CASC3: variants seen among roughly 807,000 people sequenced by gnomAD.
CASC3 encodes the protein protein CASC3.
CASC3 carries 30 observed loss-of-function variants against 80.5 expected under a neutral mutation model. That is an observed-to-expected ratio of 0.37 (90% CI 0.28 to 0.51). The LOEUF (loss-of-function observed/expected upper bound fraction) is 0.51. CASC3 is among the 20% of genes least tolerant of loss of function. The pLI, the probability that CASC3 is intolerant of heterozygous loss-of-function variation, is 0.94. For synonymous variants in CASC3, 312 were observed against 333.6 expected (o/e 0.94, Z 0.70); for missense variants, 824 against 922.2 (o/e 0.89, Z 1.38).
Position 40,162,806 on chromosome 17 carries a change from A to G in CASC3, c.690A>G (p.Pro230=). The change falls in exon 6 of 14, where the codon CCA becomes CCG. Residue 230 remains proline (P), a synonymous_variant. Transcript: ENST00000264645. ...AGTTCCGGGAAGATGAGCAGGCCCCAAAGTCCCGACAGGAGCTCATTGCTC... is the reference window on the plus strand; with the variant it reads ...AGTTCCGGGAAGATGAGCAGGCCCCGAAGTCCCGACAGGAGCTCATTGCTC... The part of the protein sequence containing the change: ...HDKFREDEQA[P]KSRQELIALY... The G allele has an allele frequency of 1.9e-6, 3 of 1,614,192 alleles. No homozygotes were observed. The highest frequency in any genetic ancestry group is 1.7e-5 in the Admixed American group (1 of 60,022).
intron 3 of CASC3, among the ~76,000 whole-genome samples, chr17:40,156,091 C>T (rs1989139404): frequency 6.6e-6 from 1 of 152,132 alleles, no homozygotes; most frequent in African/African-American, 2.4e-5. Flanking sequence ...TAAATCAGTA[C>T]GTGTGTGTAG....
Position 40,140,588 on chromosome 17 carries a change from G to A in CASC3, c.40G>A (p.Glu14Lys). The A allele has an allele frequency of 6.2e-7, 1 of 1,610,574 alleles. No individual in the cohort carries two copies. Among genetic ancestry groups the A allele is most frequent in the Non-Finnish European group, 8.5e-7 (1 of 1,179,654 alleles). ...GCGGCAGCGCGCTTCGCAAGACACCGAGGACGAGGAATCTGGTGCTTCGGG... is the reference window on the plus strand; with the variant it reads ...GCGGCAGCGCGCTTCGCAAGACACCAAGGACGAGGAATCTGGTGCTTCGGG... ...RRRQRASQDT[E>K]DEESGASGSD... The change falls in exon 1 of 14, where the codon GAG (glutamate) becomes AAG (lysine). Residue 14 changes from glutamate (E) to lysine (K), a missense_variant. Around this residue, in one of 3 missense-constraint regions of CASC3, gnomAD observed 159 missense variants for 122.2 expected, o/e 1.30. Coordinates refer to ENST00000264645, the MANE Select transcript of CASC3 (RefSeq NM_007359.5).
intron 7 of CASC3, among the ~76,000 whole-genome samples, chr17:40,164,750 CTTTTTTTTTTT>C (rs1022035416): frequency 1.3e-5 from 1 of 74,454 alleles, no homozygotes; most frequent in Non-Finnish European, 2.3e-5. Flanking sequence ...CGTGCCTGGC[CTTTTTTTTTTT>C]TTTTTTTTTT....
chr17:40,154,322 A>C (rs924271667), intron 3 of CASC3, among the ~76,000 whole-genome samples: 5 of 152,016 alleles, frequency 3.3e-5, no homozygotes, highest in African/African-American at 1.2e-4. Context: ...AGTAGTTGAG[A>C]CTATAGGCAT....
Position 40,161,804 on chromosome 17 carries a change from T to C in CASC3, c.349T>C (p.Ser117Pro). The stretch of plus-strand genomic sequence containing the variant: ...GGAAAACTCCAAAGTGGAGCTGAAA[T>C]CAGAAGCTAATGATGCTGTTAATTC... ...EEENSKVELKSEANDAVNSST... is the reference protein window; with the variant it reads ...EEENSKVELKPEANDAVNSST... The change falls in exon 4 of 14, where the codon TCA (serine) becomes CCA (proline). Residue 117 changes from serine (S) to proline (P), a missense_variant. Ser to Pro is a moderately conservative substitution (Grantham distance 74). Coordinates refer to ENST00000264645, the MANE Select transcript of CASC3 (RefSeq NM_007359.5). 6.2e-7 allele frequency: 1 copy of C among 1,614,054 alleles called. No individual in the cohort carries two copies. The highest frequency in any genetic ancestry group is 8.5e-7 in the Non-Finnish European group (1 of 1,180,016).
intron 3 of CASC3, among the ~76,000 whole-genome samples, chr17:40,150,280 G>A (rs749635765): frequency 5.3e-5 from 8 of 152,126 alleles, no homozygotes; most frequent in Middle Eastern, 3.2e-3. Context: ...CTTGGAGTGG[G>A]AGGATCCCTT....
At chr17:40,146,583 C>T (rs1988868062) in intron 3 of CASC3, among the ~76,000 whole-genome samples, 2 of 151,538 alleles carry the variant, frequency 1.3e-5, no homozygotes, top group South Asian at 4.2e-4. Context: ...ATTACAGGCG[C>T]ACGCCACCAT....
chr17:40,163,926 C>T lies in CASC3; in HGVS notation c.1231C>T (p.Arg411Ter). 6.2e-7 allele frequency: 1 copy of T among 1,614,090 alleles called. No homozygotes were observed. Among genetic ancestry groups the T allele is most frequent in the Non-Finnish European group, 8.5e-7 (1 of 1,180,028 alleles). ...KKSYSRARRT[R>*]TKVGDAVKLA... ...ATCCTATTCCCGGGCAAGAAGAACTCGAACCAAAGTTGGAGATGCAGTCAA... is the reference window on the plus strand; with the variant it reads ...ATCCTATTCCCGGGCAAGAAGAACTTGAACCAAAGTTGGAGATGCAGTCAA... Residue 411 changes from arginine to a stop codon, truncating the protein, a stop_gained, in exon 7 of 14, where the codon CGA becomes TGA. Coordinates refer to ENST00000264645, the MANE Select transcript of CASC3 (RefSeq NM_007359.5). LOFTEE classifies it high-confidence loss of function.
At chr17:40,168,693 C>T (rs544707240) in intron 11 of CASC3, 9 of 386,290 alleles carry the variant, frequency 2.3e-5, no homozygotes, top group Non-Finnish European at 3.4e-5. Context: ...TGGGTTCAAG[C>T]GATTCTTCTG....
chr17:40,164,166 G>C lies in CASC3; in HGVS notation c.1471G>C (p.Gly491Arg). 1 of 1,597,154 alleles carries C rather than the reference G, an allele frequency of 6.3e-7. No individual in the cohort carries two copies. The highest frequency in any genetic ancestry group is 8.5e-7 in the Non-Finnish European group (1 of 1,174,228). ...PSFLQPRELRGMPNHIHMGAG... is the reference protein window; with the variant it reads ...PSFLQPRELRRMPNHIHMGAG... The stretch of plus-strand genomic sequence containing the variant: ...TTTCCTGCAACCACGGGAACTTCGA[G>C]GTAGGTATCATAGGATTGGTGGCTA... Residue 491 changes from glycine (G) to arginine (R), a missense_variant and splice_region_variant, in exon 7 of 14, where the codon GGT becomes CGT. Gly to Arg is a moderately radical substitution (Grantham distance 125). Around this residue, in one of 3 missense-constraint regions of CASC3, gnomAD observed 464 missense variants for 506.0 expected, o/e 0.92. Coordinates refer to ENST00000264645, the MANE Select transcript of CASC3 (RefSeq NM_007359.5).
intron 7 of CASC3, among the ~76,000 whole-genome samples, chr17:40,164,647 A>G (rs1989399251): frequency 6.7e-6 from 1 of 148,880 alleles, no homozygotes. Context: ...GGGTTTCACC[A>G]TGTTGGCCAG....
chr17:40,149,545 GAAAAA>G (rs1042955353), intron 3 of CASC3, among the ~76,000 whole-genome samples: 1 of 149,952 alleles, frequency 6.7e-6, no homozygotes, highest in Non-Finnish European at 1.5e-5. Flanking sequence ...GTCAAAGATT[GAAAAA>G]AAGAAAAGAA....
chr17:40,163,346 G>T (rs1989355412), intron 6 of CASC3, 135 bp from the exon 7 acceptor site: 8 of 687,390 alleles, frequency 1.2e-5, no homozygotes, highest in African/African-American at 1.8e-5. Context: ...TGTTGGCCAG[G>T]CTGGTCTTGA....
rs566068214 is a variant in CASC3, at chr17:40,162,031, G to C, written c.486G>C (p.Val162=). Residue 162 remains valine, a synonymous_variant, in exon 5 of 14, where the codon GTG becomes GTC. Transcript: ENST00000264645. ...GCACAGAGCCTGTGGAGAACAAAGTGGGTAAAAAGGGCCCTAAGCATTTGG... is the reference window on the plus strand; with the variant it reads ...GCACAGAGCCTGTGGAGAACAAAGTCGGTAAAAAGGGCCCTAAGCATTTGG... The part of the protein sequence containing the change: ...QESTEPVENK[V]GKKGPKHLDD... The C allele has an allele frequency of 1.2e-6, 2 of 1,614,018 alleles. No homozygotes were observed. The highest frequency in any genetic ancestry group is 2.7e-5 in the African/African-American group (2 of 75,014).
At chr17:40,153,812 GC>G (rs1439346195) in intron 3 of CASC3, among the ~76,000 whole-genome samples, 1 of 151,866 alleles carries the variant, frequency 6.6e-6, no homozygotes, top group Non-Finnish European at 1.5e-5. Context: ...GGTGGCTCAC[GC>G]CTATAATCCC....
intron 3 of CASC3, among the ~76,000 whole-genome samples, chr17:40,149,923 GAAA>G (rs565318149): frequency 5.9e-5 from 9 of 151,474 alleles, no homozygotes; most frequent in African/African-American, 2.2e-4. Flanking sequence ...AAAAAAAAGG[GAAA>G]AAAAAGAGGG....
intron 3 of CASC3, among the ~76,000 whole-genome samples, chr17:40,159,192 A>C (rs1020121785): frequency 6.6e-6 from 1 of 152,098 alleles, no homozygotes; most frequent in Non-Finnish European, 1.5e-5. Context: ...AGTTGAGATC[A>C]CACCACTGCA....
At chr17:40,148,803 G>GT (rs1207451412) in intron 3 of CASC3, among the ~76,000 whole-genome samples, 3 of 152,146 alleles carry the variant, frequency 2.0e-5, no homozygotes, top group Non-Finnish European at 2.9e-5. Context: ...TACTATACAG[G>GT]TCCTACAGCT....
chr17:40,157,377 A>G, intron 3 of CASC3, among the ~76,000 whole-genome samples: 1 of 151,164 alleles, frequency 6.6e-6, no homozygotes, highest in Non-Finnish European at 1.5e-5. Context: ...AAATTAATTA[A>G]TTAATTAATT....
Sources: gnomAD v4.1 joint callset for allele counts (sites outside exome capture counted in the v4.1 genomes callset) on GRCh38, gnomAD v4.1.1 for gene constraint, gnomAD v4.1.1 regional missense constraint, MANE v1.5 for transcripts, NCBI Gene and HGNC (gene_info 2026-07-23, HGNC 2026-07-21) for gene names.